Variants in CSMD1 observed in about 807,000 individuals in gnomAD.
CSMD1 encodes CUB and sushi domain-containing protein 1.
Under a neutral mutation model 417.5 loss-of-function variants are expected in CSMD1, and 213 were observed. That is an observed-to-expected ratio of 0.51 (90% CI 0.46 to 0.57). CSMD1 has a LOEUF of 0.57. CSMD1 is among the 20% of genes least tolerant of loss of function. The pLI, the probability that CSMD1 is intolerant of heterozygous loss-of-function variation, is 0.00. For missense variants in CSMD1, 6,923 were observed against 4,529.7 expected (o/e 1.53, Z -15.17); for synonymous variants, 2,862 against 1,736.8 (o/e 1.65, Z -16.11).
At chr8:4,561,993 C>A (rs190865892) in intron 2 of CSMD1, among the ~76,000 whole-genome samples, 199 of 152,196 alleles carry the variant, frequency 1.3e-3, no homozygotes, top group Non-Finnish European at 2.3e-3. Context: ...GTTAAGGAAG[C>A]TTTAAAATCA....
intron 9 of CSMD1, among the ~76,000 whole-genome samples, chr8:3,576,026 G>A (rs1355476242): frequency 2.0e-5 from 3 of 152,000 alleles, no homozygotes; most frequent in East Asian, 3.9e-4. Flanking sequence ...GACACAAACT[G>A]ACAAAAATTT....
At chr8:4,761,963 C>CT (rs1812138483) in intron 1 of CSMD1, among the ~76,000 whole-genome samples, 1 of 149,626 alleles carries the variant, frequency 6.7e-6, no homozygotes, top group Non-Finnish European at 1.5e-5. Context: ...ATCTATCTAT[C>CT]TAGATTCCCA....
At chr8:4,064,411 G>C (rs931696151) in intron 3 of CSMD1, among the ~76,000 whole-genome samples, 4 of 152,186 alleles carry the variant, frequency 2.6e-5, no homozygotes, top group South Asian at 2.1e-4. Flanking sequence ...AGAAGGTAGA[G>C]AATAAGTAAG....
intron 1 of CSMD1, among the ~76,000 whole-genome samples, chr8:4,847,118 G>C (rs995307247): frequency 6.6e-6 from 1 of 152,168 alleles, no homozygotes; most frequent in African/African-American, 2.4e-5. Context: ...GATGTGAAAA[G>C]AGAACTTACA....
intron 5 of CSMD1, among the ~76,000 whole-genome samples, chr8:3,899,425 C>A (rs1241785295): frequency 6.6e-6 from 1 of 152,084 alleles, no homozygotes; most frequent in East Asian, 1.9e-4. Context: ...ACATGTTGGC[C>A]ACAGGGATTG....
chr8:4,120,088 G>A (rs1440442010), intron 3 of CSMD1, among the ~76,000 whole-genome samples: 1 of 152,126 alleles, frequency 6.6e-6, no homozygotes, highest in Non-Finnish European at 1.5e-5. Flanking sequence ...AAGGATAAAT[G>A]CTTGAGGGGA....
chr8:3,753,874 A>T, intron 6 of CSMD1, 56 bp downstream of exon 6: 1 of 1,263,604 alleles, frequency 7.9e-7, no homozygotes, highest in Non-Finnish European at 1.1e-6. Flanking sequence ...GCTAGAAAGG[A>T]TCAAAATATA....
intron 3 of CSMD1, among the ~76,000 whole-genome samples, chr8:4,069,939 TA>T (rs1479087018): frequency 6.6e-6 from 1 of 152,232 alleles, no homozygotes; most frequent in African/African-American, 2.4e-5. Flanking sequence ...ATTGCAGTAT[TA>T]TTTTTTCTGT....
At chr8:3,668,835 T>C (rs1188180839) in intron 7 of CSMD1, among the ~76,000 whole-genome samples, 4 of 152,154 alleles carry the variant, frequency 2.6e-5, no homozygotes, top group Admixed American at 2.6e-4. Flanking sequence ...AGTTATAGAA[T>C]GAACACAATT....
At chr8:4,816,026 G>C (rs918576436) in intron 1 of CSMD1, among the ~76,000 whole-genome samples, 8 of 152,154 alleles carry the variant, frequency 5.3e-5, no homozygotes, top group African/African-American at 1.4e-4. Context: ...AAGGAAAGCA[G>C]GTGCAGAGGC....
chr8:4,417,383 G>A (rs1047059101), intron 3 of CSMD1, among the ~76,000 whole-genome samples: 2 of 151,918 alleles, frequency 1.3e-5, no homozygotes, highest in East Asian at 1.9e-4. Context: ...TCCGGATTAT[G>A]TTTATTCCCA....
Position 3,348,152 on chromosome 8 carries a change from C to T in CSMD1, c.3314G>A (p.Gly1105Glu). The T allele has an allele frequency of 6.2e-7, 1 of 1,611,388 alleles. No homozygotes were observed. Among genetic ancestry groups the T allele is most frequent in the South Asian group, 1.1e-5 (1 of 90,554 alleles). ...TCCTTCATTTCCTTTGACACTTGCT[C>T]CACATTCGGCTACAATAAATAGGAC... Reference protein sequence around the residue: ...APLPRCVAECGASVKGNEGTL... With the variant: ...APLPRCVAECEASVKGNEGTL... Residue 1105 changes from glycine (G) to glutamate (E), a missense_variant, in exon 22 of 70, where the codon GGA becomes GAA. By Grantham distance (98) the Gly-to-Glu change is moderately conservative. Coordinates refer to ENST00000635120, the MANE Select transcript of CSMD1 (RefSeq NM_033225.6).
At chr8:4,359,397 C>T (rs1036716882) in intron 3 of CSMD1, among the ~76,000 whole-genome samples, 2 of 152,172 alleles carry the variant, frequency 1.3e-5, no homozygotes, top group African/African-American at 2.4e-5. Flanking sequence ...CTCACAATAA[C>T]ATATTAACTA....
At chr8:4,002,987 C>T (rs1464313143) in intron 4 of CSMD1, among the ~76,000 whole-genome samples, 1 of 151,592 alleles carries the variant, frequency 6.6e-6, no homozygotes, top group East Asian at 1.9e-4. Flanking sequence ...ACCAATCTAC[C>T]TGTTTAATTT....
At chr8:4,675,738 C>T (rs1278502303) in intron 1 of CSMD1, among the ~76,000 whole-genome samples, 1 of 152,136 alleles carries the variant, frequency 6.6e-6, no homozygotes, top group Non-Finnish European at 1.5e-5. Flanking sequence ...TTCATCTGTA[C>T]TCCCTTACAT....
chr8:4,001,639 C>A (rs751561962), intron 4 of CSMD1, among the ~76,000 whole-genome samples: 11 of 152,110 alleles, frequency 7.2e-5, no homozygotes, highest in African/African-American at 2.7e-4. Flanking sequence ...TCCCCTGAGT[C>A]TAAGATCTTA....
intron 12 of CSMD1, among the ~76,000 whole-genome samples, chr8:3,413,468 C>A (rs1466367241): frequency 1.3e-5 from 2 of 152,150 alleles, no homozygotes; most frequent in Non-Finnish European, 2.9e-5. Context: ...TTGGACAAGT[C>A]CCTTATCAGG....
intron 3 of CSMD1, among the ~76,000 whole-genome samples, chr8:4,156,926 G>C (rs370714913): frequency 4.0e-4 from 61 of 152,204 alleles, no homozygotes; most frequent in African/African-American, 1.1e-3. Context: ...CATTTGTGAG[G>C]GTTACGAAAC....
intron 4 of CSMD1, among the ~76,000 whole-genome samples, chr8:4,019,932 C>A (rs961945041): frequency 2.2e-5 from 3 of 138,992 alleles, no homozygotes; most frequent in African/African-American, 5.2e-5. Context: ...AAAAAAAAAA[C>A]CCTTTTTTTT....
Sources: gnomAD v4.1 joint callset for allele counts (sites outside exome capture counted in the v4.1 genomes callset) on GRCh38, gnomAD v4.1.1 for gene constraint, MANE v1.5 for transcripts, NCBI Gene and HGNC (gene_info 2026-07-23, HGNC 2026-07-21) for gene names.